The following STK4 variants were observed in gnomAD, a reference collection of about 807,000 sequenced individuals.
The protein encoded by STK4 is serine/threonine-protein kinase 4.
A neutral mutation model predicts 64.9 loss-of-function variants in STK4; 30 were observed. That is an observed-to-expected ratio of 0.46 (90% CI 0.35 to 0.63). STK4 has a LOEUF of 0.63. Among genes scored for constraint, STK4 ranks in the 20% least tolerant of loss-of-function variants. The pLI is 0.01. For synonymous variants in STK4, 177 were observed against 199.0 expected, an observed-to-expected ratio of 0.89 and a Z score of 0.93; for missense variants, 466 against 598.5, an observed-to-expected ratio of 0.78 and a Z score of 2.31.
At chr20:44,988,523 A>ATGTGTGTGTGTG (rs371237761) in intron 5 of STK4, among the ~76,000 whole-genome samples, 1,561 of 108,540 alleles carry the variant, frequency 0.014, 34 homozygotes, top group Middle Eastern at 0.023. Flanking sequence ...GTGTATATAT[A>ATGTGTGTGTGTG]TGTGTGTGTG....
At position 45,076,928 on chromosome 20, in the gene STK4, G is replaced by A. The variant is rs1220026097; in HGVS notation, c.*1752G>A. The A allele has an allele frequency of 1.3e-5, 2 of 152,184 alleles. No homozygotes were observed. The highest frequency in any genetic ancestry group is 1.9e-4 in the East Asian group (1 of 5,198). 9.4% of individuals were successfully genotyped at this position (152,184 alleles called of 1,614,324 possible). A position where few individuals can be genotyped will look rare whatever the true frequency, so the allele number is the denominator to read the frequency against. On this transcript the variant is annotated 3_prime_UTR_variant, in exon 11 of 11. Coordinates refer to ENST00000372806, the MANE Select transcript of STK4 (RefSeq NM_006282.5). The surrounding 1 kb of genome is among the most constrained non-coding windows in gnomAD (Gnocchi z 4.0). Reference sequence around the variant, plus strand: ...TTGGCAACTGAAATAGCTATGTGGCGGATACGGAAAACAGAGGACAATTTG... The same window carrying A: ...TTGGCAACTGAAATAGCTATGTGGCAGATACGGAAAACAGAGGACAATTTG...
chr20:45,001,053 A>G (rs966405345), intron 8 of STK4, 114 bp from the exon 9 acceptor site: 3 of 1,173,590 alleles, frequency 2.6e-6, no homozygotes, highest in Non-Finnish European at 3.6e-6. Context: ...TGAGTTTAGG[A>G]CCTGAATAAG....
intron 9 of STK4, among the ~76,000 whole-genome samples, chr20:45,015,427 T>G (rs2068123522): frequency 6.6e-6 from 1 of 152,234 alleles, no homozygotes; most frequent in Non-Finnish European, 1.5e-5. Flanking sequence ...TTTTAACACT[T>G]CTTTTACCAC....
At position 44,972,505 on chromosome 20, in the gene STK4, A is replaced by G. The variant is rs16989549; in HGVS notation, c.116+347A>G. On this transcript the variant is annotated intron_variant, in intron 2 of 10. Coordinates refer to ENST00000372806, the MANE Select transcript of STK4 (RefSeq NM_006282.5). ...GCAATAACTGTTTCAATGAAAATCAATGTAATTTAGTATTTTAATATTTGC... is the reference window on the plus strand; with the variant it reads ...GCAATAACTGTTTCAATGAAAATCAGTGTAATTTAGTATTTTAATATTTGC... 4.1e-3 allele frequency: 685 copies of G among 167,560 alleles called. 4 individuals carry two copies. Among genetic ancestry groups the G allele is most frequent in the African/African-American group, 0.016 (662 of 42,154 alleles). The allele number at this position is 167,560 out of a possible 1,614,324, so 10.4% of individuals were successfully genotyped here. A position where few individuals can be genotyped will look rare whatever the true frequency, so the allele number is the denominator to read the frequency against.
At chr20:45,028,996 T>C (rs2068400140) in intron 10 of STK4, among the ~76,000 whole-genome samples, 1 of 152,204 alleles carries the variant, frequency 6.6e-6, no homozygotes, top group African/African-American at 2.4e-5. Context: ...CTCCTGAGAC[T>C]TTCTTCTAAA....
At chr20:45,005,520 C>T (rs1482702857) in intron 9 of STK4, among the ~76,000 whole-genome samples, 2 of 151,762 alleles carry the variant, frequency 1.3e-5, no homozygotes, top group African/African-American at 2.4e-5. Context: ...TGGTGGCAGG[C>T]GCCTATAGTC....
In STK4 at chr20:44,987,398, A is replaced by G. The variant is rs765560454; in HGVS notation, c.525+102A>G. ...AAAATATAATACTTGACTTAATTGT[A>G]TTAGTAAAAAATCACAGAATCTGCC... On this transcript the variant is annotated intron_variant, in intron 5 of 10. Transcript: ENST00000372806. The G allele has an allele frequency of 4.1e-4, 476 of 1,172,570 alleles. 1 individual carries two copies. Among genetic ancestry groups the G allele is most frequent in the Middle Eastern group, 1.4e-3 (5 of 3,506 alleles). 72.6% of individuals were successfully genotyped at this position (1,172,570 alleles called of 1,614,324 possible).
At chr20:45,037,945 G>A (rs575535391) in intron 10 of STK4, among the ~76,000 whole-genome samples, 47 of 152,172 alleles carry the variant, frequency 3.1e-4, no homozygotes, top group Non-Finnish European at 2.1e-4. Context: ...ATTTGCCTAC[G>A]CTTAAGTCAA....
At chr20:44,987,992 A>G (rs79161756) in intron 5 of STK4, among the ~76,000 whole-genome samples, 1 of 146,376 alleles carries the variant, frequency 6.8e-6, no homozygotes, top group Non-Finnish European at 1.5e-5. Context: ...TTTTTTTTTT[A>G]TTATAAGTCT....
intron 9 of STK4, among the ~76,000 whole-genome samples, chr20:45,011,729 A>ATATATATATATATTT (rs60170856): frequency 8.7e-6 from 1 of 115,400 alleles, no homozygotes; most frequent in African/African-American, 3.6e-5. Flanking sequence ...ATATATATAT[A>ATATATATATATATTT]TTTTTTTTTT....
intron 9 of STK4, among the ~76,000 whole-genome samples, chr20:45,012,817 G>T (rs1283326207): frequency 1.5e-5 from 2 of 134,462 alleles, no homozygotes; most frequent in Non-Finnish European, 3.1e-5. Context: ...TTTTTTTGAG[G>T]CACTGTCTCA....
intron 10 of STK4, among the ~76,000 whole-genome samples, chr20:45,042,773 T>C (rs1208048752): frequency 6.6e-6 from 1 of 151,736 alleles, no homozygotes; most frequent in East Asian, 1.9e-4. Flanking sequence ...AAAACACAAC[T>C]CAGGGTATTG....
intron 10 of STK4, among the ~76,000 whole-genome samples, chr20:45,053,448 G>C (rs1978302362): frequency 2.6e-5 from 4 of 152,086 alleles, no homozygotes; most frequent in Admixed American, 2.6e-4. Flanking sequence ...GTTCATTCTT[G>C]TGGCCATTTA....
intron 10 of STK4, among the ~76,000 whole-genome samples, chr20:45,063,004 T>C (rs1278505043): frequency 2.0e-5 from 2 of 100,470 alleles, no homozygotes; most frequent in Non-Finnish European, 4.1e-5. Context: ...TTTTTTTTTT[T>C]TTTTTTTTTT....
intron 7 of STK4, among the ~76,000 whole-genome samples, chr20:44,997,892 A>C (rs2067764729): frequency 6.6e-6 from 1 of 152,220 alleles, no homozygotes; most frequent in Admixed American, 6.5e-5. Context: ...TGTGCCATTT[A>C]ATCATCACAT....
chr20:44,987,337 G>A, intron 5 of STK4, 41 bp downstream of exon 5: 1 of 1,555,060 alleles, frequency 6.4e-7, no homozygotes, highest in African/African-American at 1.4e-5. Context: ...TTTCATTTCT[G>A]TCCTGAGAAG....
intron 3 of STK4, among the ~76,000 whole-genome samples, chr20:44,978,924 G>T (rs899960481): frequency 6.6e-6 from 1 of 151,520 alleles, no homozygotes; most frequent in African/African-American, 2.4e-5. Context: ...TCAGCCTCCC[G>T]AGTAGCTGGG....
intron 7 of STK4, among the ~76,000 whole-genome samples, chr20:44,999,362 G>C (rs975216730): frequency 2.6e-5 from 4 of 152,182 alleles, no homozygotes; most frequent in Admixed American, 6.5e-5. Flanking sequence ...TATCTCCTGT[G>C]TTGCATTCTG....
chr20:45,070,914 A>T (rs1444124654), intron 10 of STK4, among the ~76,000 whole-genome samples: 2 of 151,498 alleles, frequency 1.3e-5, no homozygotes, highest in Admixed American at 1.3e-4. Context: ...ATCAGATCTC[A>T]TCAGGCTTAC....
Sources: gnomAD v4.1 joint callset for allele counts (sites outside exome capture counted in the v4.1 genomes callset) on GRCh38, gnomAD v4.1.1 for gene constraint, Gnocchi (gnomAD v3.1) non-coding constraint, MANE v1.5 for transcripts, NCBI Gene and HGNC (gene_info 2026-07-23, HGNC 2026-07-21) for gene names.